The following TMOD2 variants were observed in gnomAD, a reference collection of about 807,000 sequenced individuals.
TMOD2 encodes the protein tropomodulin-2.
A neutral mutation model predicts 39.9 loss-of-function variants in TMOD2; 22 were observed. The observed-to-expected ratio is 0.55, with a 90% CI of 0.39 to 0.79. TMOD2 has a LOEUF of 0.79. Among genes scored for constraint, TMOD2 ranks in the 30% least tolerant of loss-of-function variants. The pLI is 0.00. For synonymous variants in TMOD2, 123 were observed against 146.1 expected, an observed-to-expected ratio of 0.84 and a Z score of 1.14; for missense variants, 386 against 413.3, an observed-to-expected ratio of 0.93 and a Z score of 0.57.
Position 51,768,323 on chromosome 15 carries a change from C to G in TMOD2, c.188C>G (p.Pro63Arg), listed in dbSNP as rs1411027645. ...CAGACACAGAAGGCAGCCACCGGCC[C>G]CTTTGACCGCGAGCACCTCCTCATG... is the stretch of plus-strand genomic sequence containing the variant. ...KDQTQKAATG[P>R]FDREHLLMYL... Residue 63 changes from proline (P) to arginine (R), a missense_variant, in exon 3 of 10, where the codon CCC (proline) becomes CGC (arginine). Transcript: ENST00000249700. 2.5e-6 allele frequency: 4 copies of G among 1,614,068 alleles called. No individual in the cohort carries two copies. Among genetic ancestry groups the G allele is most frequent in the Non-Finnish European group, 3.4e-6 (4 of 1,180,032 alleles).
chr15:51,778,481 T>C (rs1316515284), intron 5 of TMOD2, among the ~76,000 whole-genome samples: 1 of 139,190 alleles, frequency 7.2e-6, no homozygotes, highest in Non-Finnish European at 1.5e-5. Context: ...AAACTTAAAG[T>C]ATAATAATAA....
At chr15:51,754,806 G>T (rs552062439) in intron 1 of TMOD2, among the ~76,000 whole-genome samples, 25 of 152,296 alleles carry the variant, frequency 1.6e-4, no homozygotes, top group African/African-American at 6.0e-4. Context: ...TGTAAATGGG[G>T]TGGGAATGTC....
chr15:51,766,712 T>G (rs2055818674), intron 2 of TMOD2, 145 bp downstream of exon 2: 4 of 823,262 alleles, frequency 4.9e-6, no homozygotes, highest in Non-Finnish European at 7.5e-6. Context: ...CACCTGTGTT[T>G]ACAAATTCAT....
At position 51,773,729 on chromosome 15, in the gene TMOD2, A is replaced by G; in HGVS notation, c.301A>G (p.Lys101Glu). The G allele has an allele frequency of 1.2e-6, 2 of 1,608,758 alleles. No individual in the cohort carries two copies. Among genetic ancestry groups the G allele is most frequent in the Non-Finnish European group, 1.7e-6 (2 of 1,178,478 alleles). Residue 101 changes from lysine (K) to glutamate (E), a missense_variant, in exon 4 of 10, where the codon AAA (lysine) becomes GAA (glutamate). Coordinates refer to ENST00000249700, the MANE Select transcript of TMOD2 (RefSeq NM_014548.4). ...ATTTAAAGGGAGAGTCTTTATCCCT[A>G]AAGAAAAGCCTATAGAAACTCGTAA... ...GEKKGRVFIP[K>E]EKPIETRKEE...
At chr15:51,785,903 A>AC in intron 7 of TMOD2, among the ~76,000 whole-genome samples, 1 of 152,042 alleles carries the variant, frequency 6.6e-6, no homozygotes, top group African/African-American at 2.4e-5. Flanking sequence ...TATTACATAC[A>AC]CCCCCAAAAA....
At chr15:51,768,946 C>A (rs1000198807) in intron 3 of TMOD2, among the ~76,000 whole-genome samples, 3 of 152,180 alleles carry the variant, frequency 2.0e-5, no homozygotes, top group Non-Finnish European at 4.4e-5. Context: ...CTACATTGGG[C>A]CAAACCCATA....
intron 7 of TMOD2, among the ~76,000 whole-genome samples, chr15:51,789,257 CAAAG>C (rs1281366725): frequency 1.3e-5 from 2 of 152,080 alleles, no homozygotes; most frequent in Admixed American, 6.5e-5. Context: ...TCAAAAGAGA[CAAAG>C]AAGGGCATTA....
In TMOD2 at chr15:51,767,601, G is replaced by T. The variant is rs185247576; in HGVS notation, c.127-661G>T. On this transcript the variant is annotated intron_variant, in intron 2 of 9. Transcript: ENST00000249700. ...AAAAAGATATGCTGGAAATTGCTCC[G>T]TGTAATTTTTTAAATAAAAAGTCAA... 4.0e-5 allele frequency among the ~76,000 whole-genome samples: 6 copies of T among 150,230 alleles called. No individual in the cohort carries two copies. The East Asian group carries it at 1.2e-3, about 29-fold the overall frequency.
In TMOD2 at chr15:51,768,374, A is replaced by G; in HGVS notation, c.239A>G (p.Gln80Arg). Residue 80 changes from glutamine to arginine, a missense_variant, in exon 3 of 10, where the codon CAG becomes CGG. Gln to Arg is a conservative substitution (Grantham distance 43). Coordinates refer to ENST00000249700, the MANE Select transcript of TMOD2 (RefSeq NM_014548.4). ...LMYLEKEALE[Q>R]KDREDFVPFT... ...TACCTGGAGAAGGAGGCTTTGGAAC[A>G]GAAAGACAGAGAGGACTTTGTGCCC... is the stretch of plus-strand genomic sequence containing the variant. 1 of 1,614,154 alleles carries G rather than the reference A, an allele frequency of 6.2e-7. No individual in the cohort carries two copies. Among genetic ancestry groups the G allele is most frequent in the Non-Finnish European group, 8.5e-7 (1 of 1,180,030 alleles).
chr15:51,782,916 A>G, intron 7 of TMOD2, 88 bp downstream of exon 7: 1 of 1,300,056 alleles, frequency 7.7e-7, no homozygotes, highest in African/African-American at 1.5e-5. Context: ...ACAATTTTTT[A>G]GATCTGGAAA....
rs1440819738 is a variant in TMOD2 at position 51,806,363 on chromosome 15, G to T, written c.877-14G>T. The stretch of plus-strand genomic sequence containing the variant: ...TCTTGGTCATCCTGTGCATGTGTCT[G>T]CACCTGCAACCAGAGGCAGCAGTTG... On this transcript the variant is annotated splice_polypyrimidine_tract_variant and intron_variant, in intron 8 of 9. Coordinates refer to ENST00000249700, the MANE Select transcript of TMOD2 (RefSeq NM_014548.4). The T allele has an allele frequency of 1.2e-6, 2 of 1,613,830 alleles. No homozygotes were observed. The highest frequency in any genetic ancestry group is 2.2e-5 in the South Asian group (2 of 91,044).
intron 7 of TMOD2, chr15:51,784,565 A>G: frequency 6.6e-6 from 1 of 152,240 alleles, no homozygotes; most frequent in East Asian, 1.9e-4. Context: ...TAAAAGAGGA[A>G]CCAGGCTACA....
Position 51,812,470 on chromosome 15 carries a change from T to C in TMOD2, c.*4016T>C, listed in dbSNP as rs1266549699. The stretch of plus-strand genomic sequence containing the variant: ...TAGCCCTTTGGAATTTACAAACACA[T>C]GTGCAGCTATTTCCTTCTTCACAGA... On this transcript the variant is annotated 3_prime_UTR_variant, in exon 10 of 10. Transcript: ENST00000249700. 1 of 152,234 alleles carries C rather than the reference T, an allele frequency of 6.6e-6. No homozygotes were observed. Among genetic ancestry groups the C allele is most frequent in the East Asian group, 1.9e-4 (1 of 5,206 alleles). The allele number at this position is 152,234 out of a possible 1,614,324, so 9.4% of individuals were successfully genotyped here.
At chr15:51,777,360 G>A (rs1031256325) in intron 5 of TMOD2, among the ~76,000 whole-genome samples, 31 of 152,148 alleles carry the variant, frequency 2.0e-4, no homozygotes, top group Non-Finnish European at 5.9e-5. Context: ...AAAATGCAGC[G>A]TTTCATGTTC....
intron 1 of TMOD2, among the ~76,000 whole-genome samples, chr15:51,763,413 C>A (rs1425834191): frequency 6.6e-6 from 1 of 152,198 alleles, no homozygotes; most frequent in Non-Finnish European, 1.5e-5. Context: ...CTTAAAACTT[C>A]TTCACACTCA....
intron 8 of TMOD2, among the ~76,000 whole-genome samples, chr15:51,805,810 A>G (rs1392221381): frequency 6.6e-6 from 1 of 152,216 alleles, no homozygotes; most frequent in Non-Finnish European, 1.5e-5. Flanking sequence ...TTTTATAAAA[A>G]AGAAGAAAAA....
chr15:51,754,385 A>G (rs1168617326), intron 1 of TMOD2, among the ~76,000 whole-genome samples: 4 of 152,206 alleles, frequency 2.6e-5, no homozygotes, highest in African/African-American at 7.2e-5. Context: ...TAAATCATAT[A>G]CAACCAAATG....
chr15:51,777,822 G>T (rs997226952), intron 5 of TMOD2, among the ~76,000 whole-genome samples: 1 of 152,162 alleles, frequency 6.6e-6, no homozygotes, highest in African/African-American at 2.4e-5. Flanking sequence ...TTCATCCCTT[G>T]GATGCAAGGA....
intron 1 of TMOD2, among the ~76,000 whole-genome samples, chr15:51,759,405 TATTATA>T (rs1055016169): frequency 3.3e-5 from 5 of 152,152 alleles, no homozygotes; most frequent in African/African-American, 1.2e-4. Flanking sequence ...CCTGGATATA[TATTATA>T]ATTAAAATTT....
Sources: allele counts gnomAD v4.1 joint callset (sites outside exome capture counted in the v4.1 genomes callset), GRCh38; gene constraint gnomAD v4.1.1; transcripts MANE v1.5; gene names NCBI Gene and HGNC (gene_info 2026-07-23, HGNC 2026-07-21).